The following AMPH variants were observed in gnomAD, a reference collection of about 807,000 sequenced individuals.
AMPH encodes amphiphysin.
In AMPH, 49 loss-of-function variants were observed where a neutral mutation model predicts 99.1. The ratio of observed to expected loss-of-function variants is 0.49; its 90% CI spans 0.39 to 0.63. The LOEUF (loss-of-function observed/expected upper bound fraction) is 0.63, where lower values mean the gene tolerates loss of function less well. Among genes scored for constraint, AMPH ranks in the 20% least tolerant of loss-of-function variants. The pLI is 0.00. For synonymous variants in AMPH, 314 were observed against 317.3 expected (o/e 0.99, Z 0.11); for missense variants, 759 against 863.4 (o/e 0.88, Z 1.52).
At chr7:38,453,780 A>G (rs1787124657) in intron 11 of AMPH, among the ~76,000 whole-genome samples, 1 of 152,204 alleles carries the variant, frequency 6.6e-6, no homozygotes, top group Non-Finnish European at 1.5e-5. Flanking sequence ...CAAAGTCTCT[A>G]TTTGTGATGG....
At chr7:38,450,279 G>T (rs1270303254) in intron 11 of AMPH, among the ~76,000 whole-genome samples, 1 of 152,168 alleles carries the variant, frequency 6.6e-6, no homozygotes, top group Non-Finnish European at 1.5e-5. Context: ...AAATAGTTGG[G>T]GGTATCTGCT....
chr7:38,625,198 T>A (rs1794202777), intron 1 of AMPH, among the ~76,000 whole-genome samples: 1 of 152,220 alleles, frequency 6.6e-6, no homozygotes, highest in Middle Eastern at 3.4e-3. Context: ...GGATGACATG[T>A]ATGCAACAGG....
At chr7:38,450,849 AATCCAGTC>A (rs944262981) in intron 11 of AMPH, among the ~76,000 whole-genome samples, 1 of 152,082 alleles carries the variant, frequency 6.6e-6, no homozygotes, top group African/African-American at 2.4e-5. Context: ...TTGGATTTAA[AATCCAGTC>A]ATCAAGTTAG....
chr7:38,585,862 C>T (rs1792627264), intron 1 of AMPH, among the ~76,000 whole-genome samples: 1 of 152,200 alleles, frequency 6.6e-6, no homozygotes, highest in African/African-American at 2.4e-5. Context: ...TAAATGTATG[C>T]ATAGCTGTGG....
At chr7:38,547,943 T>C (rs1228851520) in intron 1 of AMPH, among the ~76,000 whole-genome samples, 2 of 152,160 alleles carry the variant, frequency 1.3e-5, no homozygotes, top group African/African-American at 4.8e-5. Flanking sequence ...CAACCAGATA[T>C]ACGCATTTGT....
chr7:38,518,830 T>C (rs571926234), intron 2 of AMPH, among the ~76,000 whole-genome samples: 2 of 152,308 alleles, frequency 1.3e-5, no homozygotes, highest in African/African-American at 4.8e-5. Flanking sequence ...TATTTTGAAT[T>C]GTGAGAAGGA....
intron 2 of AMPH, among the ~76,000 whole-genome samples, chr7:38,517,226 T>C (rs771542344): frequency 5.3e-5 from 8 of 152,218 alleles, no homozygotes; most frequent in Non-Finnish European, 1.2e-4. Flanking sequence ...TTTGGATTAG[T>C]GTCCCCACTC....
intron 17 of AMPH, among the ~76,000 whole-genome samples, chr7:38,394,647 G>A (rs984504378): frequency 4.6e-5 from 7 of 152,162 alleles, no homozygotes; most frequent in Non-Finnish European, 8.8e-5. Context: ...GCTTGGGAAC[G>A]GAGTCACACG....
chr7:38,524,876 T>C (rs1336481326), intron 2 of AMPH, among the ~76,000 whole-genome samples: 3 of 152,106 alleles, frequency 2.0e-5, no homozygotes. Flanking sequence ...GCTGCTTCTT[T>C]AGGTCCCATG....
chr7:38,571,300 A>T (rs1458569455), intron 1 of AMPH, among the ~76,000 whole-genome samples: 1 of 71,784 alleles, frequency 1.4e-5, no homozygotes, highest in Non-Finnish European at 2.6e-5. Flanking sequence ...TTTATATATG[A>T]ATATATATAT....
chr7:38,386,550 GT>G (rs778691025), intron 20 of AMPH, among the ~76,000 whole-genome samples: 4 of 152,146 alleles, frequency 2.6e-5, no homozygotes, highest in Non-Finnish European at 5.9e-5. Context: ...CTTAAAATAT[GT>G]GGTAGAAAAA....
In AMPH at chr7:38,528,010, AT is replaced by A. The variant is rs544723444; in HGVS notation, c.150+6920del. Among the ~76,000 whole-genome samples, 166 of 152,058 alleles carry A rather than the reference AT, an allele frequency of 1.1e-3. 3 individuals carry two copies. Among genetic ancestry groups the A allele is most frequent in the African/African-American group, 3.8e-3 (159 of 41,496 alleles). On this transcript the variant is annotated intron_variant, in intron 2 of 20. Transcript: ENST00000356264. ...CTACATCAATTTATATGATCATATG[AT>A]TTTTTTCCTTACCTTGTTTATATGG...
intron 2 of AMPH, among the ~76,000 whole-genome samples, chr7:38,506,009 C>A (rs1290642512): frequency 6.6e-6 from 1 of 152,134 alleles, no homozygotes. Flanking sequence ...GTGGAAGTAA[C>A]ATGTGCTACT....
At chr7:38,385,634 C>T (rs1452769821) in intron 20 of AMPH, among the ~76,000 whole-genome samples, 1 of 152,180 alleles carries the variant, frequency 6.6e-6, no homozygotes, top group Non-Finnish European at 1.5e-5. Context: ...GCTCCTATAT[C>T]CTTTATAAAT....
chr7:38,485,999 G>T (rs1044205984), intron 5 of AMPH, among the ~76,000 whole-genome samples: 14 of 151,478 alleles, frequency 9.2e-5, no homozygotes, highest in Non-Finnish European at 1.9e-4. Context: ...TACATTAAAA[G>T]GAAAGATCTC....
chr7:38,625,795 T>C (rs1794219427), intron 1 of AMPH, among the ~76,000 whole-genome samples: 1 of 152,046 alleles, frequency 6.6e-6, no homozygotes, highest in South Asian at 2.1e-4. Flanking sequence ...AAAGAAATGG[T>C]AGGTAACTGG....
chr7:38,443,963 A>G (rs1447297095), intron 11 of AMPH, among the ~76,000 whole-genome samples: 1 of 152,176 alleles, frequency 6.6e-6, no homozygotes, highest in African/African-American at 2.4e-5. Flanking sequence ...CAAAAAAGCT[A>G]TAGAAACTAA....
intron 1 of AMPH, among the ~76,000 whole-genome samples, chr7:38,571,311 T>TC (rs1792004099): frequency 1.1e-5 from 1 of 91,982 alleles, no homozygotes; most frequent in Non-Finnish European, 1.9e-5. Flanking sequence ...ATATATATAT[T>TC]TATATATAGA....
intron 1 of AMPH, among the ~76,000 whole-genome samples, chr7:38,600,461 A>G (rs1279141287): frequency 2.0e-5 from 3 of 152,172 alleles, no homozygotes; most frequent in Non-Finnish European, 2.9e-5. Context: ...CGTAAGATTA[A>G]TATTAATATT....
Sources: allele counts gnomAD v4.1 joint callset (sites outside exome capture counted in the v4.1 genomes callset), GRCh38; gene constraint gnomAD v4.1.1; transcripts MANE v1.5; gene names NCBI Gene and HGNC (gene_info 2026-07-23, HGNC 2026-07-21).